The following PSG9 variants were observed in gnomAD, a reference collection of about 807,000 sequenced individuals.
The protein encoded by PSG9 is pregnancy specific beta-1-glycoprotein 9, also known as pregnancy-specific beta-1-glycoprotein 9.
In PSG9, 49 loss-of-function variants were observed where a neutral mutation model predicts 41.9. The observed-to-expected ratio is 1.17, with a 90% confidence interval of 0.93 to 1.48. The LOEUF is 1.48. Among genes scored for constraint, PSG9 ranks in the 40% most tolerant of loss-of-function variants. PSG9 has a pLI of 0.00. For synonymous variants in PSG9, 263 were observed against 196.8 expected (o/e 1.34, Z -2.82); for missense variants, 641 against 520.3 (o/e 1.23, Z -2.26).
At position 43,259,023 on chromosome 19, in the gene PSG9, C is replaced by T. The variant is rs756375246; in HGVS notation, c.822G>A (p.Trp274Ter). Reference sequence around the variant, plus strand: ...TGACGGGGAGGCTCTGACCGTTTAGCCACCAAATGTAGGTGTAGTTCTCAC... The same window carrying T: ...TGACGGGGAGGCTCTGACCGTTTAGTCACCAAATGTAGGTGTAGTTCTCAC... ...PKSENYTYIWWLNGQSLPVSP... is the reference protein window; with the variant it reads ...PKSENYTYIW The change falls in exon 4 of 6, where the codon TGG becomes TGA. Residue 274 changes from tryptophan (W) to a stop codon, truncating the protein, a stop_gained. Transcript: ENST00000270077. LOFTEE classifies it high-confidence loss of function. The T allele has an allele frequency of 6.3e-7, 1 of 1,590,608 alleles. No individual in the cohort carries two copies. The highest frequency in any genetic ancestry group is 1.4e-5 in the African/African-American group (1 of 70,584).
intron 1 of PSG9, among the ~76,000 whole-genome samples, chr19:43,268,660 C>T (rs1969100489): frequency 6.6e-6 from 1 of 152,154 alleles, no homozygotes; most frequent in Admixed American, 6.5e-5. Flanking sequence ...CTTTTGTGAT[C>T]CTGGTTGCAC....
At position 43,258,053 on chromosome 19, in the gene PSG9, C is replaced by A. The variant is rs879212165; in HGVS notation, c.1243+149G>T. 3 of 1,581,510 alleles carry A rather than the reference C, an allele frequency of 1.9e-6. No individual in the cohort carries two copies. In the African/African-American group the frequency reaches 4.3e-5, roughly 23 times the overall value. On this transcript the variant is annotated intron_variant, in intron 5 of 5. Coordinates refer to ENST00000270077, the MANE Select transcript of PSG9 (RefSeq NM_002784.5). ...ACAAGGAGAAGAGAGTCTGTAGAGA[C>A]AAATTGGGAGGGTTCAGGAGGAGAA...
Position 43,255,019 on chromosome 19 carries a change from A to T in PSG9, c.1244-1373T>A, listed in dbSNP as rs1360495798. 5.6e-5 allele frequency among the ~76,000 whole-genome samples: 8 copies of T among 141,966 alleles called. 1 individual carries two copies. 93.1% of individuals were successfully genotyped at this position (141,966 alleles called of 152,430 possible). A position where few individuals can be genotyped will look rare whatever the true frequency, so the allele number is the denominator to read the frequency against. On this transcript the variant is annotated intron_variant, in intron 5 of 5. Transcript: ENST00000270077. ...AGAAGGAGAATTGCTTGAGCCCAGG[A>T]GGTTAAGGCTGCAGTGAGCCGTAAT...
At chr19:43,261,476 T>C (rs1020989430) in intron 3 of PSG9, among the ~76,000 whole-genome samples, 5 of 152,042 alleles carry the variant, frequency 3.3e-5, no homozygotes, top group African/African-American at 9.7e-5. Flanking sequence ...GCAAAGAGAA[T>C]AATGTCACAA....
At position 43,259,166 on chromosome 19, in the gene PSG9, G is replaced by A. The variant is rs557241004; in HGVS notation, c.710-31C>T. 214 of 1,581,928 alleles carry A rather than the reference G, an allele frequency of 1.4e-4. 12 individuals carry two copies. The highest frequency in any genetic ancestry group is 1.8e-4 in the Non-Finnish European group (207 of 1,169,136). On this transcript the variant is annotated intron_variant, in intron 3 of 5. Coordinates refer to ENST00000270077, the MANE Select transcript of PSG9 (RefSeq NM_002784.5). ...TGGATAACAGAGAGAAGATTGTCCT[G>A]TGTGGCACCTTTGATTCCTCCACAG... is the stretch of plus-strand genomic sequence containing the variant.
At chr19:43,257,944 T>C in intron 5 of PSG9, 1 of 1,427,758 alleles carries the variant, frequency 7.0e-7, no homozygotes, top group Non-Finnish European at 9.1e-7. Context: ...AAGCCTCTTC[T>C]ACCACATAGG....
At chr19:43,260,922 T>C (rs181552895) in intron 3 of PSG9, among the ~76,000 whole-genome samples, 1 of 152,158 alleles carries the variant, frequency 6.6e-6, no homozygotes, top group African/African-American at 2.4e-5. Flanking sequence ...TTGACCTTTT[T>C]GGTTAAACTT....
At chr19:43,267,006 A>T (rs1968999965) in intron 2 of PSG9, among the ~76,000 whole-genome samples, 1 of 152,166 alleles carries the variant, frequency 6.6e-6, no homozygotes, top group Non-Finnish European at 1.5e-5. Flanking sequence ...AGCAGCATTT[A>T]TTATTAATTT....
At position 43,269,366 on chromosome 19, in the gene PSG9, A is replaced by G. The variant is rs576916268; in HGVS notation, c.64+2T>C. On this transcript the variant is annotated splice_donor_variant, in intron 1 of 5. Transcript: ENST00000270077. LOFTEE classifies it high-confidence loss of function. The stretch of plus-strand genomic sequence containing the variant: ...TCCTCTCCCAGGAAGTTCTCTCCTC[A>G]CCTGTGAGCAGGAGCCCCTTCCAGG... The G allele has an allele frequency of 8.1e-6, 13 of 1,613,324 alleles. No individual in the cohort carries two copies. In the African/African-American group the frequency reaches 9.3e-5, roughly 12 times the overall value.
intron 2 of PSG9, among the ~76,000 whole-genome samples, 165 bp downstream of exon 2, chr19:43,267,619 G>T (rs1274928861): frequency 6.6e-6 from 1 of 152,116 alleles, no homozygotes; most frequent in Non-Finnish European, 1.5e-5. Flanking sequence ...CTGATCTGTT[G>T]AAATTTGTCT....
intron 3 of PSG9, chr19:43,260,239 G>C (rs1599825566): frequency 6.8e-6 from 1 of 147,358 alleles, no homozygotes; most frequent in South Asian, 2.2e-4. Flanking sequence ...GCAAGGTGGG[G>C]AGGTTCTAGA....
In PSG9 at chr19:43,259,015, C is replaced by T. The variant is rs1384055679; in HGVS notation, c.830G>A (p.Gly277Asp). The T allele has an allele frequency of 1.9e-6, 3 of 1,590,666 alleles. No individual in the cohort carries two copies. Among genetic ancestry groups the T allele is most frequent in the Non-Finnish European group, 2.6e-6 (3 of 1,174,488 alleles). The change falls in exon 4 of 6, where the codon GGT becomes GAT. Residue 277 changes from glycine to aspartate, a missense_variant. Transcript: ENST00000270077. ...CCCGGGACTGACGGGGAGGCTCTGA[C>T]CGTTTAGCCACCAAATGTAGGTGTA... is the stretch of plus-strand genomic sequence containing the variant. The part of the protein sequence containing the change: ...ENYTYIWWLN[G>D]QSLPVSPGVK...
At chr19:43,264,693 G>C (rs553659162) in intron 2 of PSG9, among the ~76,000 whole-genome samples, 2 of 152,264 alleles carry the variant, frequency 1.3e-5, no homozygotes, top group East Asian at 1.9e-4. Flanking sequence ...TCCTGACCTT[G>C]TGCCCGCCTC....
At chr19:43,261,717 T>C (rs564005979) in intron 3 of PSG9, 143 bp downstream of exon 3, 76 of 1,595,996 alleles carry the variant, frequency 4.8e-5, no homozygotes, top group Middle Eastern at 3.7e-4. Flanking sequence ...TCTGGTTTGC[T>C]TGGGGCAGAA....
At position 43,267,983 on chromosome 19, in the gene PSG9, A is replaced by G. The variant is rs781709470; in HGVS notation, c.231T>C (p.His77=). 6.2e-7 allele frequency: 1 copy of G among 1,613,688 alleles called. No individual in the cohort carries two copies. Among genetic ancestry groups the G allele is most frequent in the East Asian group, 2.2e-5 (1 of 44,878 alleles). The change falls in exon 2 of 6, where the codon CAT becomes CAC. Residue 77 remains histidine, a synonymous_variant. Coordinates refer to ENST00000270077, the MANE Select transcript of PSG9 (RefSeq NM_002784.5). ...CATCAACTATATACGATATAATGTA[A>G]TGGTAGAGGTCCGTCATTTCCCCTT... The part of the protein sequence containing the change: ...WYKGEMTDLY[H]YIISYIVDGK...
Position 43,258,236 on chromosome 19 carries a change from C to A in PSG9, c.1209G>T (p.Lys403Asn), listed in dbSNP as rs1332470094. 2 of 1,592,754 alleles carry A rather than the reference C, an allele frequency of 1.3e-6. 1 individual carries two copies. The highest frequency in any genetic ancestry group is 2.2e-5 in the South Asian group (2 of 89,972). The stretch of plus-strand genomic sequence containing the variant: ...TGACTGTCATGGATTTGGAGATTTC[C>A]TTGCCAGTGGCTGAGTTATGAACAG... ...ACSVHNSATG[K>N]EISKSMTVKV... The change falls in exon 5 of 6, where the codon AAG (lysine) becomes AAT (asparagine). Residue 403 changes from lysine (K) to asparagine (N), a missense_variant. Lys to Asn is a moderately conservative substitution (Grantham distance 94). Coordinates refer to ENST00000270077, the MANE Select transcript of PSG9 (RefSeq NM_002784.5).
At chr19:43,253,726 C>T in intron 5 of PSG9, 80 bp from the exon 6 acceptor site, 1 of 859,738 alleles carries the variant, frequency 1.2e-6, no homozygotes, top group Non-Finnish European at 1.8e-6. Context: ...CTACAGGCTC[C>T]CAGGAAGGGT....
intron 5 of PSG9, among the ~76,000 whole-genome samples, chr19:43,254,034 C>T (rs544592146): frequency 6.9e-6 from 1 of 145,082 alleles, no homozygotes; most frequent in Admixed American, 6.8e-5. Flanking sequence ...GATTCTTTGC[C>T]CTTAGCTTTT....
intron 5 of PSG9, chr19:43,257,707 A>G: frequency 8.8e-7 from 1 of 1,130,852 alleles, no homozygotes; most frequent in Non-Finnish European, 1.1e-6. Flanking sequence ...GCCAGTCACC[A>G]GAGGAGCCCG....
Sources: gnomAD v4.1 joint callset for allele counts (sites outside exome capture counted in the v4.1 genomes callset) on GRCh38, gnomAD v4.1.1 for gene constraint, MANE v1.5 for transcripts, NCBI Gene and HGNC (gene_info 2026-07-23, HGNC 2026-07-21) for gene names.